The following GRK1 variants were observed in gnomAD, a reference collection of about 807,000 sequenced individuals.
GRK1 encodes the protein G protein-coupled receptor kinase 1.
Under a neutral mutation model 41.7 loss-of-function variants are expected in GRK1, and 28 were observed. The observed-to-expected ratio is 0.67, with a 90% CI of 0.50 to 0.92. The LOEUF is 0.92. Among genes scored for constraint, GRK1 ranks in the 40% least tolerant of loss-of-function variants. The pLI, the probability that GRK1 is intolerant of heterozygous loss-of-function variation, is 0.00. For synonymous variants in GRK1, 327 were observed against 286.7 expected (o/e 1.14, Z -1.42); for missense variants, 703 against 671.2 (o/e 1.05, Z -0.52).
At chr13:113,666,016 T>A (rs1225442138), upstream of GRK1, among the ~76,000 whole-genome samples, 1 of 127,766 alleles carries the variant, frequency 7.8e-6, no homozygotes, top group African/African-American at 3.1e-5. Context: ...CCCAGCTGTC[T>A]CAGGTGTCTC....
chr13:113,664,939 C>G (rs1259915798), upstream of GRK1, among the ~76,000 whole-genome samples: 1 of 152,198 alleles, frequency 6.6e-6, no homozygotes, highest in Non-Finnish European at 1.5e-5. This position sits in a 1 kb window ranked among gnomAD's most constrained non-coding sequence, Gnocchi z 5.4. Flanking sequence ...GTGCAGGGCT[C>G]CTGGTGAACG....
In GRK1 at chr13:113,735,304, A is replaced by G. The variant is rs1203031600; in HGVS notation, c.1633A>G (p.Lys545Glu). 56 of 1,533,894 alleles carry G rather than the reference A, an allele frequency of 3.7e-5. No individual in the cohort carries two copies. The highest frequency in any genetic ancestry group is 4.9e-5 in the Non-Finnish European group (56 of 1,144,480). ...RSDGQMPDDM[K>E]GISGGSSSSS... Reference sequence around the variant, plus strand: ...GGACGGTCAGATGCCGGACGACATGAAGGGCATCTCCGGGGGCTCCAGCTC... The same window carrying G: ...GGACGGTCAGATGCCGGACGACATGGAGGGCATCTCCGGGGGCTCCAGCTC... The change falls in exon 7 of 7, where the codon AAG becomes GAG. Residue 545 changes from lysine (K) to glutamate (E), a missense_variant. Transcript: ENST00000335678.
In GRK1 at chr13:113,671,334, C is replaced by G. The variant is rs547395528; in HGVS notation, c.828-165C>G. ...GTCCCTGAGCTGCTAACGCCGCCAG[C>G]CACCATGGCCTTCGGGTGTCCTCTG... On this transcript the variant is annotated intron_variant, in intron 2 of 6. Transcript: ENST00000335678. This position sits in a 1 kb window ranked among gnomAD's most constrained non-coding sequence, Gnocchi z 4.1. 1.3e-5 allele frequency among the ~76,000 whole-genome samples: 2 copies of G among 152,324 alleles called. No individual in the cohort carries two copies. The highest frequency in any genetic ancestry group is 1.3e-4 in the Admixed American group (2 of 15,302).
chr13:113,725,136 C>T (rs1244321007), intron 4 of GRK1, among the ~76,000 whole-genome samples: 1 of 151,980 alleles, frequency 6.6e-6, no homozygotes, highest in African/African-American at 2.4e-5. Context: ...TTCAGCAAAG[C>T]CGCAGGGTCC....
chr13:113,659,445 G>C, the GRK1 span, among the ~76,000 whole-genome samples: 2 of 152,156 alleles, frequency 1.3e-5, no homozygotes, highest in Admixed American at 1.3e-4. Flanking sequence ...TCATTTCTTA[G>C]AAGAAACAAA....
chr13:113,656,606 C>T, the GRK1 span, among the ~76,000 whole-genome samples: 3 of 152,210 alleles, frequency 2.0e-5, no homozygotes, highest in East Asian at 1.9e-4. Context: ...CTCCTGGGGC[C>T]GGCCGGGTGC....
the GRK1 span, chr13:113,649,449 C>T: frequency 0.2 from 311,435 of 1,573,480 alleles, 32,688 homozygotes; most frequent in Admixed American, 0.35. This position sits in a 1 kb window ranked among gnomAD's most constrained non-coding sequence, Gnocchi z 4.7. Context: ...TCACGTGCTC[C>T]GCCATGACCT....
intron 4 of GRK1, among the ~76,000 whole-genome samples, chr13:113,728,387 C>T (rs1239931903): frequency 7.3e-6 from 1 of 136,072 alleles, no homozygotes; most frequent in Non-Finnish European, 1.5e-5. Context: ...GCGAGGAGTA[C>T]CCATGGCGAT....
intron 4 of GRK1, among the ~76,000 whole-genome samples, chr13:113,726,766 G>A (rs1476401428): frequency 6.6e-6 from 1 of 152,192 alleles, no homozygotes; most frequent in Non-Finnish European, 1.5e-5. Flanking sequence ...TGGGTCTAGA[G>A]GCTGTGATCG....
At chr13:113,730,400 C>T (rs2049928358) in intron 4 of GRK1, among the ~76,000 whole-genome samples, 1 of 151,766 alleles carries the variant, frequency 6.6e-6, no homozygotes, top group Non-Finnish European at 1.5e-5. Flanking sequence ...AGACCTGCCC[C>T]TCTATCCTGA....
chr13:113,733,970 GTGTGTGCGCA>G (rs1224408932), intron 6 of GRK1, among the ~76,000 whole-genome samples: 3 of 112,752 alleles, frequency 2.7e-5, no homozygotes, highest in South Asian at 2.3e-4. Context: ...GTGTGTGTGC[GTGTGTGCGCA>G]TGTGTGTGCA....
the GRK1 span, chr13:113,655,024 T>TG: frequency 1.3e-5 from 20 of 1,560,610 alleles, no homozygotes; most frequent in Non-Finnish European, 1.7e-5. Context: ...GCGTCCGTGA[T>TG]GTGGCGTGAC....
the GRK1 span, among the ~76,000 whole-genome samples, chr13:113,653,682 C>G: frequency 1.3e-5 from 2 of 152,216 alleles, no homozygotes; most frequent in Non-Finnish European, 2.9e-5. Context: ...TGGGGGGTGG[C>G]TGGCTCTCTC....
chr13:113,731,493 T>A lies in GRK1; in HGVS notation c.1194+150T>A. 1 of 1,169,868 alleles carries A rather than the reference T, an allele frequency of 8.5e-7. No individual in the cohort carries two copies. The highest frequency in any genetic ancestry group is 1.2e-6 in the Non-Finnish European group (1 of 847,492). 72.5% of individuals were successfully genotyped at this position (1,169,868 alleles called of 1,614,324 possible). A position where few individuals can be genotyped will look rare whatever the true frequency, so the allele number is the denominator to read the frequency against. On this transcript the variant is annotated intron_variant, in intron 5 of 6. Transcript: ENST00000335678. This position sits in a 1 kb window ranked among gnomAD's most constrained non-coding sequence, Gnocchi z 5.6. ...GAGGGCACAGATTCACGTGCTGGGGTCTTGCTCCTGGGCCATGCTGTTCTG... is the reference window on the plus strand; with the variant it reads ...GAGGGCACAGATTCACGTGCTGGGGACTTGCTCCTGGGCCATGCTGTTCTG...
the GRK1 span, among the ~76,000 whole-genome samples, chr13:113,651,476 A>G: frequency 0.073 from 11,100 of 152,212 alleles, 1,329 homozygotes; most frequent in African/African-American, 0.25. Context: ...AAAAAGCCCC[A>G]TTGTTTCCCT....
Position 113,671,841 on chromosome 13 carries a change from A to G in GRK1, c.985+185A>G, listed in dbSNP as rs2049860093. Among the ~76,000 whole-genome samples, 1 of 152,076 alleles carries G rather than the reference A, an allele frequency of 6.6e-6. No individual in the cohort carries two copies. The highest frequency in any genetic ancestry group is 2.4e-5 in the African/African-American group (1 of 41,392). ...CACCAGGAGTCACAGGAGTGAGTGC[A>G]GGGGTCTGTGGTGCAGAACCAGCTG... On this transcript the variant is annotated intron_variant, in intron 3 of 6. Coordinates refer to ENST00000335678, the MANE Select transcript of GRK1 (RefSeq NM_002929.3). The surrounding 1 kb of genome is among the most constrained non-coding windows in gnomAD (Gnocchi z 4.1).
the GRK1 span, among the ~76,000 whole-genome samples, chr13:113,662,174 C>T: frequency 1.3e-5 from 2 of 152,208 alleles, no homozygotes; most frequent in Non-Finnish European, 2.9e-5. Context: ...ATTCAAAACC[C>T]AATCAGTGTG....
chr13:113,733,906 CATACAGTGTGCGTGTGTGCAT>C (rs1566700305), intron 6 of GRK1, among the ~76,000 whole-genome samples: 12 of 65,124 alleles, frequency 1.8e-4, no homozygotes, highest in African/African-American at 9.2e-4. Flanking sequence ...TGTATGTGTG[CATACAGTGTGCGTGTGTGCAT>C]GTGTGCATAC....
intron 1 of GRK1, among the ~76,000 whole-genome samples, 171 bp downstream of exon 1, chr13:113,668,256 C>T (rs142314161): frequency 4.7e-4 from 71 of 152,344 alleles, no homozygotes; most frequent in African/African-American, 1.6e-3. Context: ...CGTGCGGTTA[C>T]GAGCAGTTCC....
Sources: gnomAD v4.1 joint callset for allele counts (sites outside exome capture counted in the v4.1 genomes callset) on GRCh38, gnomAD v4.1.1 for gene constraint, Gnocchi (gnomAD v3.1) non-coding constraint, MANE v1.5 for transcripts, NCBI Gene and HGNC (gene_info 2026-07-23, HGNC 2026-07-21) for gene names.